The following GFOD1 variants were observed in gnomAD, a reference collection of about 807,000 sequenced individuals.
The protein encoded by GFOD1 is Gfo/Idh/MocA-like oxidoreductase domain containing 1.
Under a neutral mutation model 25.4 loss-of-function variants are expected in GFOD1, and 9 were observed. The ratio of observed to expected loss-of-function variants is 0.35; its 90% CI spans 0.21 to 0.62. The LOEUF (loss-of-function observed/expected upper bound fraction) is 0.62. Among genes scored for constraint, GFOD1 ranks in the 20% least tolerant of loss-of-function variants. The probability of loss-of-function intolerance (pLI) is 0.72; values close to 1 mark genes in which losing one functional copy is unlikely to be tolerated. For synonymous variants in GFOD1, 253 were observed against 245.6 expected, an observed-to-expected ratio of 1.03 and a Z score of -0.28; for missense variants, 403 against 556.9, an observed-to-expected ratio of 0.72 and a Z score of 2.78.
intron 1 of GFOD1, among the ~76,000 whole-genome samples, chr6:13,467,314 T>C (rs1486324925): frequency 1.3e-5 from 2 of 152,170 alleles, no homozygotes; most frequent in African/African-American, 2.4e-5. Context: ...CTGTGTTATA[T>C]AGGTAACGAA....
At chr6:13,420,158 G>T (rs781579593) in intron 1 of GFOD1, among the ~76,000 whole-genome samples, 4 of 152,234 alleles carry the variant, frequency 2.6e-5, no homozygotes, top group Non-Finnish European at 4.4e-5. Flanking sequence ...GGTCTGGATG[G>T]AGAAAACACA....
chr6:13,387,250 A>C (rs1785492870), intron 1 of GFOD1, among the ~76,000 whole-genome samples: 2 of 152,214 alleles, frequency 1.3e-5, no homozygotes, highest in African/African-American at 2.4e-5. Flanking sequence ...ATAATCTGAC[A>C]ACTCCTTTTC....
At chr6:13,411,055 T>C (rs1786068658) in intron 1 of GFOD1, among the ~76,000 whole-genome samples, 1 of 152,216 alleles carries the variant, frequency 6.6e-6, no homozygotes, top group African/African-American at 2.4e-5. Flanking sequence ...ACAGCCAGCA[T>C]GTATGCAGAC....
At chr6:13,406,453 G>C (rs1785948953) in intron 1 of GFOD1, among the ~76,000 whole-genome samples, 1 of 131,992 alleles carries the variant, frequency 7.6e-6, no homozygotes, top group East Asian at 2.1e-4. Flanking sequence ...GCTTCAGAAA[G>C]GGCGCCTGTA....
chr6:13,486,604 G>A (rs771156049), intron 1 of GFOD1, 34 bp downstream of exon 1: 2 of 1,585,258 alleles, frequency 1.3e-6, no homozygotes, highest in Non-Finnish European at 8.6e-7. Flanking sequence ...AAGGGCGGGG[G>A]TGGGACGGAG....
chr6:13,434,744 G>A (rs2127570943), intron 1 of GFOD1, among the ~76,000 whole-genome samples: 1 of 152,312 alleles, frequency 6.6e-6, no homozygotes, highest in South Asian at 2.1e-4. Flanking sequence ...AATGAAACAG[G>A]GAAGGTACTC....
chr6:13,382,352 G>T (rs921132955), intron 1 of GFOD1, among the ~76,000 whole-genome samples: 21 of 151,624 alleles, frequency 1.4e-4, no homozygotes, highest in Admixed American at 1.2e-3. Flanking sequence ...AATCATGGGG[G>T]GGGGGGTTCT....
At chr6:13,422,198 A>C (rs1786271379) in intron 1 of GFOD1, among the ~76,000 whole-genome samples, 1 of 152,174 alleles carries the variant, frequency 6.6e-6, no homozygotes, top group African/African-American at 2.4e-5. Flanking sequence ...TTCAATACTT[A>C]GGTTCTGGTG....
intron 1 of GFOD1, among the ~76,000 whole-genome samples, chr6:13,479,457 G>A (rs1412502114): frequency 6.6e-6 from 1 of 152,180 alleles, no homozygotes; most frequent in East Asian, 1.9e-4. Flanking sequence ...TGAGTGTTAT[G>A]AAGCACAACA....
chr6:13,371,475 C>A (rs12191429), intron 1 of GFOD1, among the ~76,000 whole-genome samples: 3,717 of 152,262 alleles, frequency 0.024, 74 homozygotes, highest in Non-Finnish European at 0.04. Flanking sequence ...GTGGTGCCCA[C>A]TTTCTGAGGC....
rs758683636 is a variant in GFOD1 at position 13,360,704 on chromosome 6, C to T, written c.*4039G>A. On this transcript the variant is annotated 3_prime_UTR_variant, in exon 2 of 2. Coordinates refer to ENST00000379287, the MANE Select transcript of GFOD1 (RefSeq NM_018988.4). Reference sequence around the variant, plus strand: ...TATGTGCAGCTCTACAGCCTCCTGGCAGAACATCAGATGTTGCATCCTGCT... The same window carrying T: ...TATGTGCAGCTCTACAGCCTCCTGGTAGAACATCAGATGTTGCATCCTGCT... 2.2e-6 allele frequency: 1 copy of T among 456,770 alleles called. No homozygotes were observed. Among genetic ancestry groups the T allele is most frequent in the South Asian group, 1.5e-5 (1 of 64,574 alleles). 28.3% of individuals were successfully genotyped at this position (456,770 alleles called of 1,614,324 possible).
chr6:13,479,504 C>A (rs899326635), intron 1 of GFOD1, among the ~76,000 whole-genome samples: 2 of 152,156 alleles, frequency 1.3e-5, no homozygotes, highest in African/African-American at 4.8e-5. Context: ...GCTATGATTG[C>A]CCTGAGTCAA....
At chr6:13,398,285 A>T (rs1011857157) in intron 1 of GFOD1, among the ~76,000 whole-genome samples, 4 of 123,014 alleles carry the variant, frequency 3.3e-5, no homozygotes, top group Admixed American at 9.4e-5. Context: ...GCATTCACAG[A>T]CACCTAACTT....
intron 1 of GFOD1, chr6:13,486,248 C>T (rs1758864608): frequency 7.2e-5 from 9 of 125,150 alleles, no homozygotes; most frequent in Non-Finnish European, 9.3e-5. Context: ...ACCCCCCCAT[C>T]CCCCCCCCCC....
At chr6:13,442,762 C>T (rs926430661) in intron 1 of GFOD1, among the ~76,000 whole-genome samples, 4 of 152,194 alleles carry the variant, frequency 2.6e-5, no homozygotes, top group East Asian at 1.9e-4. Context: ...TCAGAAAAAA[C>T]GATTCCTCTC....
At chr6:13,373,592 A>T (rs1785190928) in intron 1 of GFOD1, among the ~76,000 whole-genome samples, 1 of 152,124 alleles carries the variant, frequency 6.6e-6, no homozygotes, top group Non-Finnish European at 1.5e-5. Flanking sequence ...ATATGAACAG[A>T]GCTATTTATA....
intron 1 of GFOD1, chr6:13,407,943 A>C: frequency 1.0e-6 from 1 of 985,314 alleles, no homozygotes; most frequent in Non-Finnish European, 1.2e-6. Context: ...TGCCCAACCA[A>C]AGAGCAGAAG....
chr6:13,425,978 G>A (rs80302038), intron 1 of GFOD1, among the ~76,000 whole-genome samples: 4,645 of 152,272 alleles, frequency 0.031, 247 homozygotes, highest in African/African-American at 0.11. Flanking sequence ...ATTCAAAGCC[G>A]TGCCGGGCTG....
Position 13,359,869 on chromosome 6 carries a change from C to T in GFOD1, c.*4874G>A, listed in dbSNP as rs568122758. On this transcript the variant is annotated 3_prime_UTR_variant, in exon 2 of 2. Coordinates refer to ENST00000379287, the MANE Select transcript of GFOD1 (RefSeq NM_018988.4). ...GGCTGAGGCAGGAGAATCGCTTGAA[C>T]CCGGGAGGCGGTGTTGCAGTGAGCT... The T allele has an allele frequency of 6.6e-6, 1 of 151,998 alleles. No individual in the cohort carries two copies. The highest frequency in any genetic ancestry group is 1.9e-4 in the East Asian group (1 of 5,164). The allele number at this position is 151,998 out of a possible 1,614,324, so 9.4% of individuals were successfully genotyped here.
Sources: gnomAD v4.1 joint callset for allele counts (sites outside exome capture counted in the v4.1 genomes callset) on GRCh38, gnomAD v4.1.1 for gene constraint, MANE v1.5 for transcripts, NCBI Gene and HGNC (gene_info 2026-07-23, HGNC 2026-07-21) for gene names.